Variants in NINL observed in about 807,000 individuals in gnomAD.
NINL encodes the protein ninein like.
A neutral mutation model predicts 160.3 loss-of-function variants in NINL; 153 were observed. That is an observed-to-expected ratio of 0.95 (90% CI 0.84 to 1.09). NINL has a LOEUF of 1.09. NINL is among the 50% of genes least tolerant of loss of function. NINL has a pLI of 0.00. For synonymous variants in NINL, 800 were observed against 734.8 expected (o/e 1.09, Z -1.43); for missense variants, 1,829 against 1,764.0 (o/e 1.04, Z -0.66).
chr20:25,571,413 C>T (rs1469851889), intron 1 of NINL, among the ~76,000 whole-genome samples: 1 of 152,190 alleles, frequency 6.6e-6, no homozygotes, highest in Non-Finnish European at 1.5e-5. Context: ...CTCGAAGGAG[C>T]CTGCTGGGAG....
Position 25,478,969 on chromosome 20 carries a change from G to A in NINL, c.2155C>T (p.Leu719=). The part of the protein sequence containing the change: ...MGLAPCCTQA[L]CGLALRHHSH... ...TGATGCCGCAGGGCCAGGCCACACAGTGCCTGGGTGCAGCAGGGTGCCAGG... is the reference window on the plus strand; with the variant it reads ...TGATGCCGCAGGGCCAGGCCACACAATGCCTGGGTGCAGCAGGGTGCCAGG... Residue 719 remains leucine, a synonymous_variant, in exon 16 of 24, where the codon CTG becomes TTG. Transcript: ENST00000278886. The A allele has an allele frequency of 6.3e-7, 1 of 1,595,732 alleles. No homozygotes were observed. Among genetic ancestry groups the A allele is most frequent in the Non-Finnish European group, 8.5e-7 (1 of 1,172,676 alleles).
At position 25,476,363 on chromosome 20, in the gene NINL, C is replaced by G. The variant is rs2063237187; in HGVS notation, c.2928G>C (p.Gln976His). ...ASCRGQAERL[Q>H]AIQEERARSW... ...TTCGTGCTCGCTCTTCCTGAATGGC[C>G]TGTAGCCTCTCAGCCTGTCCCCTGC... The change falls in exon 17 of 24, where the codon CAG (glutamine) becomes CAC (histidine). Residue 976 changes from glutamine (Q) to histidine (H), a missense_variant. Transcript: ENST00000278886. 9 of 1,611,832 alleles carry G rather than the reference C, an allele frequency of 5.6e-6. No individual in the cohort carries two copies. Among genetic ancestry groups the G allele is most frequent in the Non-Finnish European group, 7.6e-6 (9 of 1,179,724 alleles).
chr20:25,526,672 G>T, intron 1 of NINL, 74 bp from the exon 2 acceptor site: 1 of 1,457,574 alleles, frequency 6.9e-7, no homozygotes, highest in Non-Finnish European at 9.4e-7. Context: ...CACTGCCGGT[G>T]AGCACCGAGC....
chr20:25,494,990 T>A (rs1029703572), intron 10 of NINL, among the ~76,000 whole-genome samples: 1 of 152,184 alleles, frequency 6.6e-6, no homozygotes, highest in Admixed American at 6.5e-5. Context: ...GGCCAGTTAC[T>A]GAGCTGCTCC....
At chr20:25,486,377 C>A (rs1179593326) in intron 13 of NINL, among the ~76,000 whole-genome samples, 1 of 152,120 alleles carries the variant, frequency 6.6e-6, no homozygotes, top group Non-Finnish European at 1.5e-5. Context: ...CTTTAAGTAA[C>A]AGAATCATGT....
intron 20 of NINL, 101 bp downstream of exon 20, chr20:25,462,282 C>A (rs1600997735): frequency 8.9e-7 from 1 of 1,127,224 alleles, no homozygotes; most frequent in Admixed American, 2.7e-5. Flanking sequence ...TCCCTCACTT[C>A]CCTCCAGGCT....
intron 1 of NINL, among the ~76,000 whole-genome samples, chr20:25,542,335 C>A (rs966006995): frequency 6.6e-6 from 1 of 152,072 alleles, no homozygotes; most frequent in African/African-American, 2.4e-5. Context: ...TCAGTCACTG[C>A]ACACAGGAAA....
intron 17 of NINL, 113 bp downstream of exon 17, chr20:25,475,930 G>T: frequency 8.9e-7 from 1 of 1,128,482 alleles, no homozygotes; most frequent in Non-Finnish European, 1.3e-6. Flanking sequence ...ATCAGGGGCT[G>T]CGAGCTTGTC....
Position 25,476,458 on chromosome 20 carries a change from C to G in NINL, c.2833G>C (p.Gly945Arg). The change falls in exon 17 of 24, where the codon GGA becomes CGA. Residue 945 changes from glycine (G) to arginine (R), a missense_variant. Physicochemically the swap from Gly to Arg is moderately radical, Grantham distance 125. Coordinates refer to ENST00000278886, the MANE Select transcript of NINL (RefSeq NM_025176.6). ...GTTTGCGAGGCGTCTCTCTCTGTTC[C>G]CAGCAGAGGCAGCTCCCGGGCTCCA... ...QPGARELPLL[G>R]TERDASQTQP... 2 of 1,607,812 alleles carry G rather than the reference C, an allele frequency of 1.2e-6. No homozygotes were observed. Among genetic ancestry groups the G allele is most frequent in the South Asian group, 1.1e-5 (1 of 91,072 alleles).
chr20:25,477,974 A>T (rs2063301986), intron 16 of NINL, among the ~76,000 whole-genome samples: 1 of 141,078 alleles, frequency 7.1e-6, no homozygotes, highest in Admixed American at 7.3e-5. Flanking sequence ...TTTTTAGACG[A>T]GTCTCACTTT....
intron 1 of NINL, among the ~76,000 whole-genome samples, chr20:25,582,458 G>C (rs1407349165): frequency 6.6e-6 from 1 of 152,130 alleles, no homozygotes; most frequent in African/African-American, 2.4e-5. Context: ...CCCTGGGCAA[G>C]ACTCCCGGCT....
At chr20:25,523,708 T>C (rs1445927517) in intron 2 of NINL, among the ~76,000 whole-genome samples, 2 of 152,198 alleles carry the variant, frequency 1.3e-5, no homozygotes, top group Non-Finnish European at 2.9e-5. Context: ...AATGGCGCGA[T>C]CTTGGCTCAC....
Position 25,501,010 on chromosome 20 carries a change from C to T in NINL, c.862G>A (p.Val288Ile). Residue 288 changes from valine (V) to isoleucine (I), a missense_variant and splice_region_variant, in exon 8 of 24, where the codon GTC becomes ATC. Transcript: ENST00000278886. ...GTGTGGCAGCCGCTCTCCTCTGGGA[C>T]CTGCATGTCAGGAAGACTTCCATAG... ...KPSKAWSHYQ[V>I]PEESGCHTTT... 1 of 1,613,590 alleles carries T rather than the reference C, an allele frequency of 6.2e-7. No homozygotes were observed. Among genetic ancestry groups the T allele is most frequent in the Non-Finnish European group, 8.5e-7 (1 of 1,179,766 alleles).
intron 1 of NINL, among the ~76,000 whole-genome samples, chr20:25,551,769 T>C (rs4815431): frequency 0.46 from 70,276 of 152,060 alleles, 17,263 homozygotes; most frequent in Admixed American, 0.56. Flanking sequence ...GGAAGAGTGA[T>C]TGATCCTGTC....
At chr20:25,521,107 A>AG (rs1196519860) in intron 2 of NINL, among the ~76,000 whole-genome samples, 1 of 152,210 alleles carries the variant, frequency 6.6e-6, no homozygotes, top group Non-Finnish European at 1.5e-5. Flanking sequence ...CTCCAGTTAA[A>AG]GGGATGCTGG....
At chr20:25,515,180 G>C (rs375510827) in intron 3 of NINL, among the ~76,000 whole-genome samples, 2 of 152,236 alleles carry the variant, frequency 1.3e-5, no homozygotes, top group African/African-American at 4.8e-5. Context: ...CCTGTATCCT[G>C]CAGAGACACA....
At chr20:25,522,064 C>T (rs1200212696) in intron 2 of NINL, among the ~76,000 whole-genome samples, 3 of 152,038 alleles carry the variant, frequency 2.0e-5, no homozygotes, top group African/African-American at 7.2e-5. Context: ...TACCACCACC[C>T]CCAGCTAATT....
At chr20:25,466,551 G>A (rs1373948715) in intron 19 of NINL, among the ~76,000 whole-genome samples, 2 of 152,036 alleles carry the variant, frequency 1.3e-5, no homozygotes, top group Non-Finnish European at 2.9e-5. Flanking sequence ...TATAATCCCA[G>A]CAATTTGGGA....
At chr20:25,548,493 C>G (rs1296441895) in intron 1 of NINL, among the ~76,000 whole-genome samples, 1 of 152,110 alleles carries the variant, frequency 6.6e-6, no homozygotes, top group Non-Finnish European at 1.5e-5. Context: ...CCACACCCAA[C>G]CTTACACAGG....
Sources: allele counts gnomAD v4.1 joint callset (sites outside exome capture counted in the v4.1 genomes callset), GRCh38; gene constraint gnomAD v4.1.1; transcripts MANE v1.5; gene names NCBI Gene and HGNC (gene_info 2026-07-23, HGNC 2026-07-21).